ZBTB20: variants seen among roughly 807,000 people sequenced by gnomAD.
ZBTB20 encodes the protein zinc finger and BTB domain containing 20, also known as zinc finger and BTB domain-containing protein 20.
ZBTB20 carries 9 observed loss-of-function variants against 56.9 expected under a neutral mutation model. That is an observed-to-expected ratio of 0.16 (90% CI 0.10 to 0.28). The LOEUF (loss-of-function observed/expected upper bound fraction) is 0.28, where lower values mean the gene tolerates loss of function less well. Ranked by LOEUF, ZBTB20 falls within the 10% of genes least tolerant of loss-of-function variation. The probability of loss-of-function intolerance (pLI) is 1.00; values close to 1 mark genes in which losing one functional copy is unlikely to be tolerated. For missense variants in ZBTB20, 655 were observed against 1,003.0 expected, an observed-to-expected ratio of 0.65 and a Z score of 4.69; for synonymous variants, 417 against 420.7, an observed-to-expected ratio of 0.99 and a Z score of 0.11.
rs969468365 is a variant in ZBTB20, at chr3:114,940,991, C to G, written c.-456+33375G>C. ...CGTTACCAGATTGATCTCCTAAAAT[C>G]CACAGAGCGAATTTGGTGTCATTTT... is the stretch of plus-strand genomic sequence containing the variant. On this transcript the variant is annotated intron_variant, in intron 3 of 11. Coordinates refer to ENST00000675478, the MANE Select transcript of ZBTB20 (RefSeq NM_001348800.3). Among the ~76,000 whole-genome samples, 86 of 145,890 alleles carry G rather than the reference C, an allele frequency of 5.9e-4. 23 individuals carry two copies. Among genetic ancestry groups the G allele is most frequent in the African/African-American group, 2.3e-3 (84 of 35,762 alleles).
At chr3:114,746,385 T>G (rs997805505) in intron 5 of ZBTB20, among the ~76,000 whole-genome samples, 1 of 152,048 alleles carries the variant, frequency 6.6e-6, no homozygotes, top group African/African-American at 2.4e-5. Context: ...TTGTTTTTGT[T>G]TTTTTTTAAT....
intron 7 of ZBTB20, among the ~76,000 whole-genome samples, chr3:114,468,653 A>C (rs761034035): frequency 6.6e-6 from 1 of 152,166 alleles, no homozygotes. Context: ...TTTTGGTTGC[A>C]TTCTGACTTT....
intron 4 of ZBTB20, among the ~76,000 whole-genome samples, chr3:114,836,640 CCCA>C (rs1033208294): frequency 6.6e-6 from 1 of 152,150 alleles, no homozygotes; most frequent in African/African-American, 2.4e-5. Flanking sequence ...TTTTGCCTCA[CCCA>C]CCACATCTAA....
At chr3:114,930,047 T>C (rs1329171931) in intron 3 of ZBTB20, among the ~76,000 whole-genome samples, 3 of 152,196 alleles carry the variant, frequency 2.0e-5, no homozygotes, top group African/African-American at 4.8e-5. Flanking sequence ...AAAATCCATA[T>C]GAATGCCAAA....
At chr3:114,403,871 T>C (rs1576609816) in intron 7 of ZBTB20, among the ~76,000 whole-genome samples, 1 of 152,154 alleles carries the variant, frequency 6.6e-6, no homozygotes, top group East Asian at 1.9e-4. Context: ...GTTTGTAATC[T>C]GTTGTGTGAC....
intron 11 of ZBTB20, among the ~76,000 whole-genome samples, chr3:114,344,589 A>G (rs1172128094): frequency 6.6e-6 from 1 of 152,240 alleles, no homozygotes; most frequent in African/African-American, 2.4e-5. Context: ...AGTAAGTACT[A>G]CAGATCTGAA....
intron 7 of ZBTB20, among the ~76,000 whole-genome samples, chr3:114,412,301 G>A (rs1421601309): frequency 6.6e-6 from 1 of 152,150 alleles, no homozygotes; most frequent in East Asian, 1.9e-4. Context: ...CAATCTATGT[G>A]AAAGTGTTCT....
At chr3:115,136,329 G>C (rs2084652543) in intron 1 of ZBTB20, among the ~76,000 whole-genome samples, 1 of 152,030 alleles carries the variant, frequency 6.6e-6, no homozygotes, top group Non-Finnish European at 1.5e-5. Context: ...GGATAGCCTA[G>C]TAAGGAAAAA....
At chr3:115,046,246 A>C (rs2081328335) in intron 2 of ZBTB20, among the ~76,000 whole-genome samples, 1 of 152,210 alleles carries the variant, frequency 6.6e-6, no homozygotes, top group African/African-American at 2.4e-5. Flanking sequence ...ATTACACACA[A>C]ACCTAAAACG....
chr3:114,709,109 T>C (rs2108427118), intron 5 of ZBTB20, among the ~76,000 whole-genome samples: 1 of 152,278 alleles, frequency 6.6e-6, no homozygotes, highest in South Asian at 2.1e-4. Flanking sequence ...ATAAAAAATC[T>C]TATTAAATCT....
At chr3:114,477,042 A>C (rs1483517081) in intron 7 of ZBTB20, among the ~76,000 whole-genome samples, 1 of 152,228 alleles carries the variant, frequency 6.6e-6, no homozygotes, top group Non-Finnish European at 1.5e-5. Context: ...TCCCTTCCAC[A>C]GTACCTAGAA....
chr3:114,534,444 C>G (rs947646523), intron 6 of ZBTB20, among the ~76,000 whole-genome samples: 2 of 152,140 alleles, frequency 1.3e-5, no homozygotes, highest in African/African-American at 4.8e-5. Flanking sequence ...GCTAACTGTC[C>G]TAAATATACA....
chr3:114,838,707 A>G (rs1328053047), intron 4 of ZBTB20, among the ~76,000 whole-genome samples: 2 of 152,220 alleles, frequency 1.3e-5, no homozygotes, highest in Non-Finnish European at 2.9e-5. Flanking sequence ...TCAGAAAAGT[A>G]CAAATAGGGT....
chr3:114,470,082 A>T (rs1030868077), intron 7 of ZBTB20, among the ~76,000 whole-genome samples: 1 of 152,200 alleles, frequency 6.6e-6, no homozygotes, highest in Admixed American at 6.5e-5. Context: ...AGCATTAAAG[A>T]TATAGAAAAA....
intron 6 of ZBTB20, among the ~76,000 whole-genome samples, chr3:114,535,889 A>C (rs1404796185): frequency 6.6e-6 from 1 of 152,220 alleles, no homozygotes; most frequent in Non-Finnish European, 1.5e-5. Context: ...AGAGCCAATG[A>C]CAAAAGCCAC....
At chr3:114,475,944 T>C (rs770508762) in intron 7 of ZBTB20, among the ~76,000 whole-genome samples, 4 of 152,128 alleles carry the variant, frequency 2.6e-5, no homozygotes, top group Non-Finnish European at 5.9e-5. Context: ...TAAGCTGCCT[T>C]TATTAATGAA....
chr3:114,654,992 T>C (rs1454891920), intron 6 of ZBTB20, among the ~76,000 whole-genome samples: 2 of 152,286 alleles, frequency 1.3e-5, no homozygotes, highest in East Asian at 3.9e-4. Flanking sequence ...GCATTGTATA[T>C]ATCTTTCTAT....
At chr3:114,916,229 C>T (rs2075738579) in intron 3 of ZBTB20, among the ~76,000 whole-genome samples, 1 of 152,074 alleles carries the variant, frequency 6.6e-6, no homozygotes. Context: ...TATCTGGGTG[C>T]TCCAGTGTTG....
intron 5 of ZBTB20, among the ~76,000 whole-genome samples, chr3:114,769,591 AT>A (rs2069046773): frequency 1.1e-5 from 1 of 93,726 alleles, no homozygotes; most frequent in African/African-American, 3.3e-5. Flanking sequence ...ATATATATAT[AT>A]ATATAATGGA....
Sources: gnomAD v4.1 joint callset for allele counts (sites outside exome capture counted in the v4.1 genomes callset) on GRCh38, gnomAD v4.1.1 for gene constraint, MANE v1.5 for transcripts, NCBI Gene and HGNC (gene_info 2026-07-23, HGNC 2026-07-21) for gene names.